IPO7: variants seen among roughly 807,000 people sequenced by gnomAD.
IPO7 encodes the protein importin-7.
IPO7 carries 13 observed loss-of-function variants against 136.4 expected under a neutral mutation model. That is an observed-to-expected ratio of 0.10 (90% CI 0.06 to 0.15). The LOEUF (loss-of-function observed/expected upper bound fraction) is 0.15, where lower values mean the gene tolerates loss of function less well. IPO7 is among the 10% of genes least tolerant of loss of function. The pLI is 1.00. For missense variants in IPO7, 857 were observed against 1,240.6 expected, an observed-to-expected ratio of 0.69 and a Z score of 4.65; for synonymous variants, 403 against 404.4, an observed-to-expected ratio of 1.00 and a Z score of 0.04.
At chr11:9,419,870 C>G (rs1312965479) in intron 6 of IPO7, among the ~76,000 whole-genome samples, 2 of 151,998 alleles carry the variant, frequency 1.3e-5, no homozygotes, top group Non-Finnish European at 2.9e-5. Flanking sequence ...TTGTCGTGGC[C>G]TTGACTATAC....
intron 15 of IPO7, among the ~76,000 whole-genome samples, chr11:9,430,172 T>C (rs558564191): frequency 1.3e-5 from 2 of 152,136 alleles, no homozygotes; most frequent in South Asian, 4.1e-4. Flanking sequence ...TAACAGGCCA[T>C]GGACCGGTAC....
chr11:9,443,980 A>C (rs1030101299), intron 24 of IPO7, among the ~76,000 whole-genome samples: 2 of 151,772 alleles, frequency 1.3e-5, no homozygotes, highest in African/African-American at 4.8e-5. Flanking sequence ...GCAATTTTTA[A>C]AAGTACATTT....
At chr11:9,438,657 G>T (rs1276998439) in intron 22 of IPO7, among the ~76,000 whole-genome samples, 1 of 151,846 alleles carries the variant, frequency 6.6e-6, no homozygotes, top group African/African-American at 2.4e-5. Flanking sequence ...TATATCACTA[G>T]CCCTTCTCCC....
intron 9 of IPO7, 136 bp from the exon 10 acceptor site, chr11:9,423,641 A>G: frequency 3.4e-6 from 2 of 586,830 alleles, no homozygotes; most frequent in Non-Finnish European, 6.0e-6. Flanking sequence ...CTTAGAACAC[A>G]TTAAATGCAT....
chr11:9,403,297 A>G lies in IPO7; in HGVS notation c.92A>G (p.Lys31Arg), dbSNP rs199619980. The change falls in exon 2 of 25, where the codon AAG (lysine) becomes AGG (arginine). Residue 31 changes from lysine to arginine, a missense_variant. Lys to Arg is a conservative substitution (Grantham distance 26). This residue lies in a region of IPO7 where 49 missense variants were observed against 59.9 expected (regional missense o/e 0.82). Transcript: ENST00000379719. ...AAERQLNEAHKSLNFVSTLLQ... is the reference protein window; with the variant it reads ...AAERQLNEAHRSLNFVSTLLQ... Reference sequence around the variant, plus strand: ...GACTTTTTTTCTTTGTAGGCACACAAGTCTCTGAATTTTGTCTCAACACTG... The same window carrying G: ...GACTTTTTTTCTTTGTAGGCACACAGGTCTCTGAATTTTGTCTCAACACTG... 1.2e-6 allele frequency: 2 copies of G among 1,611,974 alleles called. No individual in the cohort carries two copies. Among genetic ancestry groups the G allele is most frequent in the Non-Finnish European group, 1.7e-6 (2 of 1,178,436 alleles).
intron 16 of IPO7, among the ~76,000 whole-genome samples, chr11:9,431,485 G>A (rs1855293539): frequency 6.7e-6 from 1 of 149,892 alleles, no homozygotes; most frequent in Admixed American, 6.6e-5. Flanking sequence ...TTTTGAGATG[G>A]AGTCTCACTC....
At chr11:9,388,072 G>A (rs931310304) in intron 1 of IPO7, among the ~76,000 whole-genome samples, 3 of 151,602 alleles carry the variant, frequency 2.0e-5, no homozygotes, top group Non-Finnish European at 4.4e-5. Flanking sequence ...GCTTGAACCC[G>A]GGAGGTGGAG....
At position 9,417,107 on chromosome 11, in the gene IPO7, A is replaced by G. The variant is rs753056100; in HGVS notation, c.685A>G (p.Ile229Val). The G allele has an allele frequency of 6.4e-7, 1 of 1,569,192 alleles. No homozygotes were observed. Among genetic ancestry groups the G allele is most frequent in the Non-Finnish European group, 8.8e-7 (1 of 1,140,542 alleles). Reference protein sequence around the residue: ...LINQQNLTEWIEILKTVVNRD... With the variant: ...LINQQNLTEWVEILKTVVNRD... ...AAACCAACAGAACCTGACAGAATGG[A>G]TAGAAATTTTAAAGACTGTTGTGAA... The change falls in exon 6 of 25, where the codon ATA becomes GTA. Residue 229 changes from isoleucine to valine, a missense_variant. By Grantham distance (29) the Ile-to-Val change is conservative (BLOSUM62 3). Transcript: ENST00000379719.
At chr11:9,417,954 C>A (rs2065325590) in intron 6 of IPO7, among the ~76,000 whole-genome samples, 1 of 149,674 alleles carries the variant, frequency 6.7e-6, no homozygotes, top group South Asian at 2.1e-4. Flanking sequence ...CTCAGGTGAT[C>A]CGCCCACCTT....
chr11:9,396,450 T>C (rs1590427412), intron 1 of IPO7, among the ~76,000 whole-genome samples: 1 of 152,222 alleles, frequency 6.6e-6, no homozygotes. Flanking sequence ...GATTTAACTA[T>C]TCACACATTT....
At chr11:9,422,969 T>C (rs1332891910) in intron 8 of IPO7, 37 bp from the exon 9 acceptor site, 1 of 1,397,816 alleles carries the variant, frequency 7.2e-7, no homozygotes, top group Non-Finnish European at 9.7e-7. Context: ...AAATTTCTAT[T>C]TGAACATTGA....
intron 24 of IPO7, among the ~76,000 whole-genome samples, chr11:9,444,100 A>G (rs1460783149): frequency 1.3e-5 from 2 of 151,460 alleles, no homozygotes; most frequent in African/African-American, 2.4e-5. Context: ...CATACAGTGA[A>G]ACCCTGTCTT....
chr11:9,419,559 A>AAAAATATATATATATATAT (rs1256216265), intron 6 of IPO7, among the ~76,000 whole-genome samples: 1 of 116,866 alleles, frequency 8.6e-6, no homozygotes, highest in African/African-American at 3.8e-5. Context: ...AAAAAAAAAA[A>AAAAATATATATATATATAT]ATATATATAT....
Position 9,384,865 on chromosome 11 carries a change from G to A in IPO7, c.84+18G>A. ...TCAATGAAGTAAGGACGCCCGGCTA[G>A]CGGTGGCGGCGGGCAGGCGGGTGGG... On this transcript the variant is annotated intron_variant, in intron 1 of 24. Coordinates refer to ENST00000379719, the MANE Select transcript of IPO7 (RefSeq NM_006391.3). The A allele has an allele frequency of 6.4e-7, 1 of 1,573,094 alleles. No individual in the cohort carries two copies. The highest frequency in any genetic ancestry group is 2.4e-5 in the East Asian group (1 of 42,430).
At chr11:9,437,234 G>A (rs994497784) in intron 20 of IPO7, among the ~76,000 whole-genome samples, 10 of 150,628 alleles carry the variant, frequency 6.6e-5, no homozygotes, top group African/African-American at 2.0e-4. Context: ...TGATATCATC[G>A]TGAGCTTTTA....
At chr11:9,394,785 T>C (rs527677351) in intron 1 of IPO7, among the ~76,000 whole-genome samples, 5 of 152,324 alleles carry the variant, frequency 3.3e-5, no homozygotes, top group Admixed American at 1.3e-4. Context: ...TGGCGCATTG[T>C]CAGTACTAGT....
intron 1 of IPO7, among the ~76,000 whole-genome samples, chr11:9,398,496 A>T (rs1854746549): frequency 6.6e-6 from 1 of 152,246 alleles, no homozygotes; most frequent in Non-Finnish European, 1.5e-5. Context: ...GAACCAGTTA[A>T]CTGGTGGAGC....
intron 23 of IPO7, among the ~76,000 whole-genome samples, chr11:9,441,479 T>C (rs1855458975): frequency 6.6e-6 from 1 of 152,256 alleles, no homozygotes; most frequent in Non-Finnish European, 1.5e-5. Context: ...CTGATGAATA[T>C]ATTTTTTGAT....
chr11:9,432,027 C>T (rs1316950401), intron 16 of IPO7, among the ~76,000 whole-genome samples: 1 of 152,002 alleles, frequency 6.6e-6, no homozygotes, highest in African/African-American at 2.4e-5. Context: ...AGTTGAAAGC[C>T]CTCAGGGGAC....
Sources: allele counts gnomAD v4.1 joint callset (sites outside exome capture counted in the v4.1 genomes callset), GRCh38; gene constraint gnomAD v4.1.1; regional missense constraint gnomAD v4.1.1; transcripts MANE v1.5; gene names NCBI Gene and HGNC (gene_info 2026-07-23, HGNC 2026-07-21).